EDARADD: variants seen among roughly 807,000 people sequenced by gnomAD.
EDARADD encodes EDAR associated via death domain.
EDARADD carries 20 observed loss-of-function variants against 25.6 expected under a neutral mutation model. That is an observed-to-expected ratio of 0.78 (90% CI 0.55 to 1.14). EDARADD has a LOEUF of 1.14. EDARADD is among the 50% of genes most tolerant of loss of function. The pLI is 0.00. For missense variants in EDARADD, 225 were observed against 270.1 expected (o/e 0.83, Z 1.17); for synonymous variants, 86 against 94.4 (o/e 0.91, Z 0.52).
intron 4 of EDARADD, among the ~76,000 whole-genome samples, chr1:236,432,900 C>A (rs1658144367): frequency 6.7e-6 from 1 of 150,264 alleles, no homozygotes; most frequent in Non-Finnish European, 1.5e-5. Context: ...CTGCTGCACT[C>A]CAGCATGGAT....
At chr1:236,441,268 TTTATATATATATA>T (rs958841584) in intron 4 of EDARADD, among the ~76,000 whole-genome samples, 1 of 145,648 alleles carries the variant, frequency 6.9e-6, no homozygotes, top group Non-Finnish European at 1.5e-5. Context: ...ACCCTCTTTA[TTTATATATATATA>T]TTATATATAT....
In EDARADD at chr1:236,395,748, C is replaced by G. The variant is rs929928385; in HGVS notation, c.61+1243C>G. 5.4e-6 allele frequency: 8 copies of G among 1,484,280 alleles called. No individual in the cohort carries two copies. The highest frequency in any genetic ancestry group is 1.3e-5 in the South Asian group (1 of 79,234). 91.9% of individuals were successfully genotyped at this position (1,484,280 alleles called of 1,614,324 possible). A position where few individuals can be genotyped will look rare whatever the true frequency, so the allele number is the denominator to read the frequency against. Reference sequence around the variant, plus strand: ...GCGCTCGCAGCAGCCGCAGGGCTATCGAGGCCGGGCCTCGGCGACCCCCGA... The same window carrying G: ...GCGCTCGCAGCAGCCGCAGGGCTATGGAGGCCGGGCCTCGGCGACCCCCGA... On this transcript the variant is annotated intron_variant, in intron 1 of 5. Transcript: ENST00000334232. This position sits in a 1 kb window ranked among gnomAD's most constrained non-coding sequence, Gnocchi z 6.9.
chr1:236,468,394 T>G (rs1659274479), intron 5 of EDARADD, 118 bp downstream of exon 5: 2 of 1,027,078 alleles, frequency 1.9e-6, no homozygotes, highest in Middle Eastern at 4.2e-4. Context: ...GAGGCCAAGG[T>G]GGGCGGATCA....
At chr1:236,481,689 G>A (rs1408665417) in intron 5 of EDARADD, among the ~76,000 whole-genome samples, 1 of 151,416 alleles carries the variant, frequency 6.6e-6, no homozygotes, top group African/African-American at 2.4e-5. Flanking sequence ...TGAGGTGGGA[G>A]GATCGCTTGA....
intron 4 of EDARADD, 67 bp from the exon 5 acceptor site, chr1:236,468,164 G>T (rs1558135257): frequency 2.9e-5 from 44 of 1,507,340 alleles, no homozygotes; most frequent in Non-Finnish European, 4.0e-5. Context: ...AACTAAGTTG[G>T]AAGATTGATA....
At chr1:236,386,951 C>T (rs1286363823) in intron 3 of EDARADD, among the ~76,000 whole-genome samples, 3 of 73,592 alleles carry the variant, frequency 4.1e-5, no homozygotes, top group African/African-American at 9.0e-5. Flanking sequence ...CGGCCAGCCG[C>T]CCCGTCCGGG....
intron 3 of EDARADD, among the ~76,000 whole-genome samples, chr1:236,380,729 G>GGAGAAA (rs1667287295): frequency 6.6e-6 from 1 of 152,026 alleles, no homozygotes; most frequent in African/African-American, 2.4e-5. Flanking sequence ...TTTGTTTGTT[G>GGAGAAA]TAGAAATGGG....
chr1:236,357,904 G>A (rs944217025), intron 3 of EDARADD, among the ~76,000 whole-genome samples: 27 of 146,192 alleles, frequency 1.8e-4, no homozygotes, highest in Admixed American at 8.9e-4. Context: ...ATGGAGTTTC[G>A]CTCTTTTGCC....
intron 5 of EDARADD, among the ~76,000 whole-genome samples, chr1:236,478,707 C>T (rs912487788): frequency 2.6e-5 from 4 of 152,264 alleles, no homozygotes; most frequent in Non-Finnish European, 5.9e-5. Flanking sequence ...CTGCCTCAGC[C>T]TCCTGAGTAG....
rs1667498937 is a variant in EDARADD at position 236,395,501 on chromosome 1, G to A, written c.61+996G>A. The A allele has an allele frequency of 7.9e-6, 12 of 1,524,558 alleles. No homozygotes were observed. Among genetic ancestry groups the A allele is most frequent in the African/African-American group, 1.4e-5 (1 of 72,158 alleles). 94.4% of individuals were successfully genotyped at this position (1,524,558 alleles called of 1,614,324 possible). ...GGAAGGCGGAGGAGGGCAGGGGCGC[G>A]CAGAGCCACGGTTTGCTCCAGGCGC... On this transcript the variant is annotated intron_variant, in intron 1 of 5. Coordinates refer to ENST00000334232, the MANE Select transcript of EDARADD (RefSeq NM_145861.4). This position sits in a 1 kb window ranked among gnomAD's most constrained non-coding sequence, Gnocchi z 6.9.
chr1:236,469,182 G>A lies in EDARADD; in HGVS notation c.265+906G>A, dbSNP rs1320907271. On this transcript the variant is annotated intron_variant, in intron 5 of 5. Transcript: ENST00000334232. ...AGTGAGGGAGTAAGCATTAAAATAA[G>A]CTAGCAAATGGCCAGGTGTGGTGGC... Among the ~76,000 whole-genome samples, 5 of 152,000 alleles carry A rather than the reference G, an allele frequency of 3.3e-5. No homozygotes were observed. The East Asian group carries it at 9.6e-4, about 29-fold the overall frequency.
At chr1:236,440,369 T>C (rs527817607) in intron 4 of EDARADD, among the ~76,000 whole-genome samples, 1 of 152,332 alleles carries the variant, frequency 6.6e-6, no homozygotes, top group Non-Finnish European at 1.5e-5. Flanking sequence ...TGTCCCTCCA[T>C]GTAAATTTTA....
At chr1:236,369,035 C>A (rs1667144337) in intron 3 of EDARADD, among the ~76,000 whole-genome samples, 1 of 152,020 alleles carries the variant, frequency 6.6e-6, no homozygotes, top group Non-Finnish European at 1.5e-5. Context: ...GCCAAGTGAT[C>A]TGCCTGCCTC....
At position 236,468,712 on chromosome 1, in the gene EDARADD, C is replaced by T. The variant is rs576952759; in HGVS notation, c.265+436C>T. On this transcript the variant is annotated intron_variant, in intron 5 of 5. Transcript: ENST00000334232. ...GCAGAATAGAGCAACTTTCTACCTG[C>T]GGTGCACTGCAGGGAAAGCCGTATC... Among the ~76,000 whole-genome samples, 7 of 152,276 alleles carry T rather than the reference C, an allele frequency of 4.6e-5. No homozygotes were observed. In the South Asian group the frequency reaches 1.0e-3, roughly 23 times the overall value.
intron 3 of EDARADD, among the ~76,000 whole-genome samples, chr1:236,388,952 T>C (rs1411143437): frequency 6.6e-6 from 1 of 152,250 alleles, no homozygotes; most frequent in Admixed American, 6.5e-5. Flanking sequence ...TAACACTAGA[T>C]TGTTTTTCCA....
At chr1:236,427,508 T>G (rs1657956334) in intron 4 of EDARADD, 58 bp downstream of exon 4, 1 of 1,508,568 alleles carries the variant, frequency 6.6e-7, no homozygotes, top group African/African-American at 1.4e-5. Context: ...ACCTAAAATT[T>G]TTTGAGATTT....
chr1:236,351,708 CAAA>C (rs35576705), intron 3 of EDARADD, among the ~76,000 whole-genome samples: 38 of 123,332 alleles, frequency 3.1e-4, no homozygotes, highest in Admixed American at 6.3e-4. Context: ...GACTCTGTCT[CAAA>C]AAAAAAAAAA....
At chr1:236,467,498 C>T (rs889219743) in intron 4 of EDARADD, among the ~76,000 whole-genome samples, 38 of 151,704 alleles carry the variant, frequency 2.5e-4, no homozygotes, top group Non-Finnish European at 3.1e-4. Context: ...CCTCACATCC[C>T]TGTAGCATGA....
intron 5 of EDARADD, among the ~76,000 whole-genome samples, chr1:236,473,209 T>A (rs1659402575): frequency 6.6e-6 from 1 of 152,120 alleles, no homozygotes; most frequent in Non-Finnish European, 1.5e-5. Flanking sequence ...TATATGGTGG[T>A]AGGTGCCTTG....
Sources: gnomAD v4.1 joint callset for allele counts (sites outside exome capture counted in the v4.1 genomes callset) on GRCh38, gnomAD v4.1.1 for gene constraint, Gnocchi (gnomAD v3.1) non-coding constraint, MANE v1.5 for transcripts, NCBI Gene and HGNC (gene_info 2026-07-23, HGNC 2026-07-21) for gene names.